CDK8: variants seen among roughly 807,000 people sequenced by gnomAD.
The protein encoded by CDK8 is cyclin-dependent kinase 8.
Under a neutral mutation model 71.5 loss-of-function variants are expected in CDK8, and 29 were observed. The observed-to-expected ratio is 0.41, with a 90% CI of 0.30 to 0.55. The LOEUF (loss-of-function observed/expected upper bound fraction) is 0.55. Ranked by LOEUF, CDK8 falls within the 20% of genes least tolerant of loss-of-function variation. CDK8 has a pLI of 0.37. For synonymous variants in CDK8, 161 were observed against 192.1 expected, an observed-to-expected ratio of 0.84 and a Z score of 1.34; for missense variants, 288 against 572.6, an observed-to-expected ratio of 0.50 and a Z score of 5.07.
rs775184250 is a variant in CDK8 at position 26,254,773 on chromosome 13, AGT to A, written c.128+13_128+14del. 8.1e-6 allele frequency: 13 copies of A among 1,611,412 alleles called. No homozygotes were observed. The highest frequency in any genetic ancestry group is 9.3e-6 in the Non-Finnish European group (11 of 1,178,772). ...ACAAAGCCAAGAGGAAAGATGGGTG[AGT>A]GTGTGTGTCTGGGCCGGTGTCCGCG... is the stretch of plus-strand genomic sequence containing the variant. On this transcript the variant is annotated splice_donor_5th_base_variant and intron_variant, in intron 1 of 12. Coordinates refer to ENST00000381527, the MANE Select transcript of CDK8 (RefSeq NM_001260.3). The surrounding 1 kb of genome is among the most constrained non-coding windows in gnomAD (Gnocchi z 6.7).
At chr13:26,366,864 A>T (rs1874414294) in intron 4 of CDK8, among the ~76,000 whole-genome samples, 1 of 152,198 alleles carries the variant, frequency 6.6e-6, no homozygotes, top group African/African-American at 2.4e-5. Flanking sequence ...TTGAAATAAG[A>T]TCATTTTTTG....
chr13:26,282,549 A>G (rs1872797946), intron 1 of CDK8, among the ~76,000 whole-genome samples: 1 of 152,230 alleles, frequency 6.6e-6, no homozygotes. Context: ...CAGCACTACA[A>G]GAAATGCTAA....
At position 26,259,393 on chromosome 13, in the gene CDK8, T is replaced by C. The variant is rs145015582; in HGVS notation, c.128+4624T>C. 1.2e-4 allele frequency among the ~76,000 whole-genome samples: 19 copies of C among 152,320 alleles called. No individual in the cohort carries two copies. The East Asian group carries it at 3.7e-3, about 29-fold the overall frequency. On this transcript the variant is annotated intron_variant, in intron 1 of 12. Transcript: ENST00000381527. ...TAAAAAATAGAGTATAACAACTGTT[T>C]ACATAGCATTTACATTTTATTAGGT...
At chr13:26,335,775 C>A (rs889630095) in intron 1 of CDK8, among the ~76,000 whole-genome samples, 1 of 152,198 alleles carries the variant, frequency 6.6e-6, no homozygotes, top group Non-Finnish European at 1.5e-5. Flanking sequence ...CTGCAATAGC[C>A]ATCATCATCT....
At chr13:26,388,259 T>C (rs899667413) in intron 6 of CDK8, among the ~76,000 whole-genome samples, 1 of 152,250 alleles carries the variant, frequency 6.6e-6, no homozygotes, top group African/African-American at 2.4e-5. Context: ...ATACTATCTT[T>C]GTAACTTTTC....
rs560930761 is a variant in CDK8 at position 26,263,786 on chromosome 13, A to G, written c.128+9017A>G. On this transcript the variant is annotated intron_variant, in intron 1 of 12. Transcript: ENST00000381527. ...TTTCGAGACGGAGTCTCGCTATGTC[A>G]CCCAGCCTGGAGTGCAGTGGCACGA... 2.1e-3 allele frequency among the ~76,000 whole-genome samples: 251 copies of G among 117,520 alleles called. 1 individual carries two copies. The highest frequency in any genetic ancestry group is 4.7e-3 in the African/African-American group (139 of 29,752). The allele number at this position is 117,520 out of a possible 152,430, so 77.1% of individuals were successfully genotyped here.
At chr13:26,379,420 C>G (rs142667550) in intron 4 of CDK8, among the ~76,000 whole-genome samples, 6 of 152,176 alleles carry the variant, frequency 3.9e-5, no homozygotes, top group East Asian at 1.9e-4. Context: ...TTTATCCCCC[C>G]ACCAGTGGTC....
intron 1 of CDK8, among the ~76,000 whole-genome samples, chr13:26,297,689 C>T (rs1232089263): frequency 6.6e-6 from 1 of 152,156 alleles, no homozygotes. Flanking sequence ...CTCCAGGTTT[C>T]AGATCATACA....
intron 2 of CDK8, among the ~76,000 whole-genome samples, chr13:26,344,724 C>G (rs1448011843): frequency 1.3e-5 from 2 of 151,768 alleles, no homozygotes; most frequent in Admixed American, 6.6e-5. Flanking sequence ...TTCACTTCAG[C>G]CTGGGCAATA....
intron 1 of CDK8, among the ~76,000 whole-genome samples, chr13:26,275,286 A>G (rs950305533): frequency 6.6e-6 from 1 of 152,222 alleles, no homozygotes; most frequent in Non-Finnish European, 1.5e-5. Flanking sequence ...AAGCTCTAAA[A>G]TCAACAACTC....
chr13:26,319,298 T>A (rs1874652313), intron 1 of CDK8, among the ~76,000 whole-genome samples: 1 of 151,748 alleles, frequency 6.6e-6, no homozygotes, highest in Admixed American at 6.6e-5. Context: ...TGAAACCCTG[T>A]CTCTACTAAA....
At chr13:26,352,043 A>G (rs149837460) in intron 3 of CDK8, among the ~76,000 whole-genome samples, 66 of 152,222 alleles carry the variant, frequency 4.3e-4, no homozygotes, top group African/African-American at 1.6e-3. Flanking sequence ...AGAAATATAT[A>G]TGAAATTGAT....
At chr13:26,376,450 GA>G (rs557304149) in intron 4 of CDK8, among the ~76,000 whole-genome samples, 3 of 151,850 alleles carry the variant, frequency 2.0e-5, no homozygotes, top group Admixed American at 6.6e-5. Context: ...AATCAGATTT[GA>G]AAAAAATCCA....
At position 26,254,659 on chromosome 13, in the gene CDK8, A is replaced by G. The variant is rs779317610; in HGVS notation, c.18A>G (p.Lys6=). 2.5e-6 allele frequency: 4 copies of G among 1,611,128 alleles called. No homozygotes were observed. In the African/African-American group the frequency reaches 5.3e-5, roughly 22 times the overall value. The change falls in exon 1 of 13, where the codon AAA becomes AAG. Residue 6 remains lysine (K), a synonymous_variant. Coordinates refer to ENST00000381527, the MANE Select transcript of CDK8 (RefSeq NM_001260.3). This position sits in a 1 kb window ranked among gnomAD's most constrained non-coding sequence, Gnocchi z 6.7. MDYDF[K]VKLSSERERV... ...CTGTGACAATGGACTATGACTTTAA[A>G]GTGAAGCTGAGCAGCGAGCGGGAGC...
chr13:26,267,371 A>G (rs1872069569), intron 1 of CDK8, among the ~76,000 whole-genome samples: 1 of 152,224 alleles, frequency 6.6e-6, no homozygotes, highest in Non-Finnish European at 1.5e-5. Flanking sequence ...TAGTCTCATG[A>G]TAAAACATTT....
At chr13:26,340,092 C>T (rs921701212) in intron 2 of CDK8, among the ~76,000 whole-genome samples, 1 of 151,968 alleles carries the variant, frequency 6.6e-6, no homozygotes, top group Admixed American at 6.6e-5. Flanking sequence ...TTCCTAGATT[C>T]TAAGAATTCT....
At chr13:26,264,795 T>G (rs1277854083) in intron 1 of CDK8, among the ~76,000 whole-genome samples, 3 of 152,234 alleles carry the variant, frequency 2.0e-5, no homozygotes, top group Non-Finnish European at 4.4e-5. Context: ...TTCATTTTTT[T>G]GTAGCTCCCA....
chr13:26,265,321 T>C (rs768625294), intron 1 of CDK8, among the ~76,000 whole-genome samples: 2 of 152,062 alleles, frequency 1.3e-5, no homozygotes, highest in Non-Finnish European at 2.9e-5. Context: ...TGTAATATAG[T>C]AGGATAAGGG....
chr13:26,283,784 G>A (rs900204700), intron 1 of CDK8, among the ~76,000 whole-genome samples: 1 of 151,926 alleles, frequency 6.6e-6, no homozygotes. Flanking sequence ...TATAGTCCCA[G>A]CTACTCGGGA....
Sources: gnomAD v4.1 joint callset for allele counts (sites outside exome capture counted in the v4.1 genomes callset) on GRCh38, gnomAD v4.1.1 for gene constraint, Gnocchi (gnomAD v3.1) non-coding constraint, MANE v1.5 for transcripts, NCBI Gene and HGNC (gene_info 2026-07-23, HGNC 2026-07-21) for gene names.